PITRM1: variants seen among roughly 807,000 people sequenced by gnomAD.
The protein encoded by PITRM1 is pitrilysin metallopeptidase 1.
Under a neutral mutation model 129.9 loss-of-function variants are expected in PITRM1, and 100 were observed. The observed-to-expected ratio is 0.77, with a 90% CI of 0.65 to 0.91. PITRM1 has a LOEUF of 0.91. Among genes scored for constraint, PITRM1 ranks in the 40% least tolerant of loss-of-function variants. The pLI is 0.00. For synonymous variants in PITRM1, 591 were observed against 508.8 expected, an observed-to-expected ratio of 1.16 and a Z score of -2.17; for missense variants, 1,471 against 1,318.3, an observed-to-expected ratio of 1.12 and a Z score of -1.79.
intron 14 of PITRM1, among the ~76,000 whole-genome samples, chr10:3,151,792 G>A (rs1302421750): frequency 6.6e-6 from 1 of 152,170 alleles, no homozygotes; most frequent in Non-Finnish European, 1.5e-5. Context: ...CTGGAGTACA[G>A]TGGCACCATC....
chr10:3,144,305 C>G lies in PITRM1; in HGVS notation c.2519G>C (p.Arg840Thr). 6.4e-7 allele frequency: 1 copy of G among 1,558,038 alleles called. No individual in the cohort carries two copies. The highest frequency in any genetic ancestry group is 8.7e-7 in the Non-Finnish European group (1 of 1,149,292). ...TGTGGTTCTTACCATGACCAGCTTC[C>G]TAATGACCTGGGAGCCATGGGGAAC... ...AHVPHGSQVIRKLVMEPTFKP... is the reference protein window; with the variant it reads ...AHVPHGSQVITKLVMEPTFKP... Residue 840 changes from arginine (R) to threonine (T), a missense_variant, in exon 22 of 27, where the codon AGG (arginine) becomes ACG (threonine). Transcript: ENST00000224949.
intron 1 of PITRM1, 32 bp downstream of exon 1, chr10:3,172,685 C>A: frequency 1.3e-6 from 2 of 1,526,474 alleles, no homozygotes; most frequent in Admixed American, 2.0e-5. Flanking sequence ...CGGGTACCAG[C>A]GCGCCGAGCG....
chr10:3,139,174 G>A (rs1839930981), intron 24 of PITRM1, 125 bp from the exon 25 acceptor site: 4 of 806,318 alleles, frequency 5.0e-6, no homozygotes, highest in African/African-American at 3.4e-5. Flanking sequence ...ATCTGATTTA[G>A]TCCAAACAGC....
rs761062883 is a variant in PITRM1, at chr10:3,138,219, C to T, written c.3020+16G>A. The T allele has an allele frequency of 5.6e-6, 9 of 1,604,808 alleles. No individual in the cohort carries two copies. The highest frequency in any genetic ancestry group is 1.3e-5 in the African/African-American group (1 of 74,738). On this transcript the variant is annotated intron_variant, in intron 26 of 26. Transcript: ENST00000224949. ...GCTTCCAGTCCCAGACGCTGTCTCC[C>T]CCGCTCCCCACTCACCTATCGCTCA... is the stretch of plus-strand genomic sequence containing the variant.
rs774973715 is a variant in PITRM1 at position 3,138,149 on chromosome 10, G to A, written c.3021-25C>T. 9 of 1,585,414 alleles carry A rather than the reference G, an allele frequency of 5.7e-6. No individual in the cohort carries two copies. The African/African-American group carries it at 9.4e-5, about 17-fold the overall frequency. On this transcript the variant is annotated intron_variant, in intron 26 of 26. Transcript: ENST00000224949. ...TCTGAGAGGAAGGCAGGCGTGGTCA[G>A]CAAGGACTGGCTTCTGCGTGAGCGC...
rs959266064 is a variant in PITRM1 at position 3,147,628 on chromosome 10, C to T, written c.2179G>A (p.Gly727Ser). The change falls in exon 19 of 27, where the codon GGC becomes AGC. Residue 727 changes from glycine (G) to serine (S), a missense_variant. Gly to Ser is a moderately conservative substitution (Grantham distance 56, BLOSUM62 0). Coordinates refer to ENST00000224949, the MANE Select transcript of PITRM1 (RefSeq NM_014889.4). ...TCCCCTGCGGGCGTGAGGGTCCGGC[C>T]TGCCCTGATGGATGCGTACAGGTGC... ...SGHLYASIRAGRTLTPAGDLQ... is the reference protein window; with the variant it reads ...SGHLYASIRASRTLTPAGDLQ... 3 of 1,613,940 alleles carry T rather than the reference C, an allele frequency of 1.9e-6. No homozygotes were observed. The highest frequency in any genetic ancestry group is 1.3e-5 in the African/African-American group (1 of 74,944).
At chr10:3,140,148 G>A (rs1002773137) in intron 24 of PITRM1, among the ~76,000 whole-genome samples, 1 of 152,122 alleles carries the variant, frequency 6.6e-6, no homozygotes, top group African/African-American at 2.4e-5. Flanking sequence ...CAATTATACT[G>A]TAATAAAAGT....
At chr10:3,165,972 C>T (rs1414593154) in intron 4 of PITRM1, among the ~76,000 whole-genome samples, 1 of 152,218 alleles carries the variant, frequency 6.6e-6, no homozygotes, top group Non-Finnish European at 1.5e-5. Context: ...GTAGCGATAT[C>T]TCCAAGAGAA....
intron 1 of PITRM1, among the ~76,000 whole-genome samples, chr10:3,171,146 TTAAAAAAAAAAAAAAAAAA>T (rs1176346213): frequency 6.0e-3 from 216 of 36,266 alleles, no homozygotes; most frequent in Non-Finnish European, 8.1e-3. Flanking sequence ...AATCGTTCAA[TTAAAAAAAAAAAAAAAAAA>T]AAAAAAAAAA....
intron 25 of PITRM1, chr10:3,138,563 C>T (rs1248384862): frequency 2.5e-5 from 15 of 605,948 alleles, no homozygotes; most frequent in Admixed American, 8.4e-5. Flanking sequence ...ATGCAGTCAG[C>T]GCCGCGTGAG....
rs4881111 is a variant in PITRM1, at chr10:3,148,073, A to G, written c.1993-10T>C. 835,600 of 1,612,778 alleles carry G rather than the reference A, an allele frequency of 0.52. 218,237 individuals are homozygous for G. Among genetic ancestry groups the G allele is most frequent in the East Asian group, 0.54 (24,178 of 44,840 alleles). ...AGGAGAAAAGCACACCCTGAACCAA[A>G]GAAAACACAGAAGAAAGGAATTAGG... On this transcript the variant is annotated splice_polypyrimidine_tract_variant and intron_variant, in intron 17 of 26. Transcript: ENST00000224949.
chr10:3,144,145 T>A (rs1300975130), intron 22 of PITRM1, 147 bp downstream of exon 22: 4 of 614,142 alleles, frequency 6.5e-6, no homozygotes, highest in Non-Finnish European at 1.2e-5. Flanking sequence ...AGGGTGGCAG[T>A]GACAAAGGAT....
chr10:3,168,021 C>G (rs1843016841), intron 2 of PITRM1: 1 of 152,264 alleles, frequency 6.6e-6, no homozygotes, highest in Non-Finnish European at 1.5e-5. Context: ...AAGAAACTGT[C>G]TTCTCTTCCA....
rs1842800969 is a variant in PITRM1 at position 3,165,674 on chromosome 10, G to GC, written c.419-148dup. 3 of 617,666 alleles carry GC rather than the reference G, an allele frequency of 4.9e-6. No homozygotes were observed. In the Admixed American group the frequency reaches 8.9e-5, roughly 18 times the overall value. The allele number at this position is 617,666 out of a possible 1,614,324, so 38.3% of individuals were successfully genotyped here. ...CAGTGGCCCCATGCTCTGGTCCCTG[G>GC]CCTCAGCAGCTGTCCCAGCTCATAA... On this transcript the variant is annotated intron_variant, in intron 4 of 26. Transcript: ENST00000224949.
intron 20 of PITRM1, chr10:3,146,618 CTG>C (rs1487456762): frequency 6.6e-6 from 1 of 152,652 alleles, no homozygotes; most frequent in African/African-American, 2.4e-5. Context: ...CATCAGGACT[CTG>C]TGTGAAGAAG....
At chr10:3,160,731 C>T (rs916998228) in intron 7 of PITRM1, among the ~76,000 whole-genome samples, 17 of 151,598 alleles carry the variant, frequency 1.1e-4, no homozygotes, top group African/African-American at 3.9e-4. Flanking sequence ...CCGGGACTAC[C>T]AGGACTACAC....
Position 3,138,721 on chromosome 10 carries a change from T to A in PITRM1, c.2917+183A>T, listed in dbSNP as rs564613071. The stretch of plus-strand genomic sequence containing the variant: ...CAGGTCAGTAAAACAAATGACAGGA[T>A]GCACTCTTCTCGCCCGGATGTCAGG... On this transcript the variant is annotated intron_variant, in intron 25 of 26. Transcript: ENST00000224949. 178 of 741,054 alleles carry A rather than the reference T, an allele frequency of 2.4e-4. 2 individuals carry two copies. In the South Asian group the frequency reaches 2.6e-3, roughly 11 times the overall value. The allele number at this position is 741,054 out of a possible 1,614,324, so 45.9% of individuals were successfully genotyped here.
At position 3,140,714 on chromosome 10, in the gene PITRM1, T is replaced by C. The variant is rs938453790; in HGVS notation, c.2744A>G (p.Asn915Ser). The C allele has an allele frequency of 2.5e-6, 4 of 1,599,578 alleles. No homozygotes were observed. Among genetic ancestry groups the C allele is most frequent in the African/African-American group, 1.3e-5 (1 of 74,738 alleles). The change falls in exon 24 of 27, where the codon AAT (asparagine) becomes AGT (serine). Residue 915 changes from asparagine to serine, a missense_variant. By Grantham distance (46) the Asn-to-Ser change is conservative. Transcript: ENST00000224949. ...GTAAGAGTAAAGGGTGAAAATCCCA[T>C]TGTGGCTGAGTTTTGCGCCTCCACC... ...AYGGGAKLSH[N>S]GIFTLYSYRD...
chr10:3,145,509 T>G, intron 21 of PITRM1, 87 bp downstream of exon 21: 19 of 1,170,186 alleles, frequency 1.6e-5, no homozygotes, highest in Non-Finnish European at 2.2e-5. Context: ...TGGACTGCTC[T>G]GAGAATTGAG....
Sources: allele counts gnomAD v4.1 joint callset (sites outside exome capture counted in the v4.1 genomes callset), GRCh38; gene constraint gnomAD v4.1.1; transcripts MANE v1.5; gene names NCBI Gene and HGNC (gene_info 2026-07-23, HGNC 2026-07-21).